The following PYHIN1 variants were observed in gnomAD, a reference collection of about 807,000 sequenced individuals.
PYHIN1 encodes the protein pyrin and HIN domain-containing protein 1.
Under a neutral mutation model 43.7 loss-of-function variants are expected in PYHIN1, and 32 were observed. The observed-to-expected ratio is 0.73, with a 90% CI of 0.55 to 0.98. The LOEUF is 0.98. Ranked by LOEUF, PYHIN1 falls within the 50% of genes least tolerant of loss-of-function variation. The pLI, the probability that PYHIN1 is intolerant of heterozygous loss-of-function variation, is 0.00. For missense variants in PYHIN1, 588 were observed against 589.5 expected (o/e 1.00, Z 0.03); for synonymous variants, 205 against 203.1 (o/e 1.01, Z -0.08).
chr1:158,934,328 T>G (rs1472053823), intron 1 of PYHIN1, among the ~76,000 whole-genome samples: 1 of 152,230 alleles, frequency 6.6e-6, no homozygotes, highest in African/African-American at 2.4e-5. Flanking sequence ...TAAATCGTGT[T>G]GTCATACTCA....
rs1012047513 is a variant in PYHIN1, at chr1:158,946,255, A to G, written c.1359+1213A>G. On this transcript the variant is annotated intron_variant, in intron 7 of 8. Coordinates refer to ENST00000368140, the MANE Select transcript of PYHIN1 (RefSeq NM_152501.5). ...TCTTCTCTATAACAGAGTGCTTTTT[A>G]TATATTACATAACTGAATTCTAGAA... Among the ~76,000 whole-genome samples the G allele has an allele frequency of 5.9e-5, 9 of 152,192 alleles. No homozygotes were observed. The East Asian group carries it at 1.5e-3, about 26-fold the overall frequency.
intron 7 of PYHIN1, among the ~76,000 whole-genome samples, chr1:158,948,245 G>A (rs141689699): frequency 6.6e-6 from 1 of 152,340 alleles, no homozygotes; most frequent in African/African-American, 2.4e-5. Context: ...CCCAGGAACA[G>A]GTGTCAAACC....
At chr1:158,990,377 T>A in the PYHIN1 span, among the ~76,000 whole-genome samples, 16 of 152,186 alleles carry the variant, frequency 1.1e-4, no homozygotes, top group Non-Finnish European at 1.9e-4. Flanking sequence ...TTATTTCTTT[T>A]TTTTTAATTT....
chr1:158,937,808 T>C (rs1648648239), intron 2 of PYHIN1, among the ~76,000 whole-genome samples: 1 of 152,070 alleles, frequency 6.6e-6, no homozygotes, highest in Admixed American at 6.5e-5. Context: ...TAGCCAGGCG[T>C]GGTGGCAGGC....
rs1045872494 is a variant in PYHIN1 at position 158,933,908 on chromosome 1, T to A, written c.-21+2132T>A. Among the ~76,000 whole-genome samples the A allele has an allele frequency of 1.2e-4, 19 of 152,258 alleles. No individual in the cohort carries two copies. Among genetic ancestry groups the A allele is most frequent in the African/African-American group, 2.2e-4 (9 of 41,574 alleles). On this transcript the variant is annotated intron_variant, in intron 1 of 8. Transcript: ENST00000368140. This position sits in a 1 kb window ranked among gnomAD's most constrained non-coding sequence, Gnocchi z 6.3. The stretch of plus-strand genomic sequence containing the variant: ...CCTGCAGCTTTTTAAAATTTTTTTT[T>A]AATTTTCTATTGAAAAGTACTTCCA...
chr1:158,946,414 C>A (rs749922992), intron 7 of PYHIN1, among the ~76,000 whole-genome samples: 10 of 152,150 alleles, frequency 6.6e-5, no homozygotes, highest in Non-Finnish European at 1.3e-4. Flanking sequence ...ACTGCAAATG[C>A]TCAAGTAGAT....
At chr1:158,947,858 T>C (rs781330828) in intron 7 of PYHIN1, among the ~76,000 whole-genome samples, 3 of 152,244 alleles carry the variant, frequency 2.0e-5, no homozygotes, top group Non-Finnish European at 4.4e-5. Context: ...ACCACAGAAG[T>C]AAACAAGCTA....
chr1:158,943,285 CT>C (rs1226906486), intron 5 of PYHIN1, among the ~76,000 whole-genome samples: 1 of 152,120 alleles, frequency 6.6e-6, no homozygotes, highest in Non-Finnish European at 1.5e-5. Context: ...AATGTTTGAG[CT>C]TAAGGACCTG....
At position 158,944,012 on chromosome 1, in the gene PYHIN1, A is replaced by G. The variant is rs762404626; in HGVS notation, c.1191+34A>G. On this transcript the variant is annotated intron_variant, in intron 6 of 8. Transcript: ENST00000368140. ...TAAAGAAACAAATATTAGTTTTCCA[A>G]AGATGAAAATCATTTGCTTTAAGTT... The G allele has an allele frequency of 8.5e-6, 13 of 1,525,760 alleles. No homozygotes were observed. In the South Asian group the frequency reaches 1.5e-4, roughly 18 times the overall value. 94.5% of individuals were successfully genotyped at this position (1,525,760 alleles called of 1,614,324 possible).
chr1:158,933,723 A>G lies in PYHIN1; in HGVS notation c.-21+1947A>G, dbSNP rs1648314792. Among the ~76,000 whole-genome samples, 1 of 151,746 alleles carries G rather than the reference A, an allele frequency of 6.6e-6. No individual in the cohort carries two copies. The highest frequency in any genetic ancestry group is 2.1e-4 in the South Asian group (1 of 4,808). Reference sequence around the variant, plus strand: ...TTTTTAAAACTTATATTTCCATCTCACCCTTTAAGACAATTACATTAGTAA... The same window carrying G: ...TTTTTAAAACTTATATTTCCATCTCGCCCTTTAAGACAATTACATTAGTAA... On this transcript the variant is annotated intron_variant, in intron 1 of 8. Transcript: ENST00000368140. The surrounding 1 kb of genome is among the most constrained non-coding windows in gnomAD (Gnocchi z 6.3).
chr1:158,989,649 G>C, the PYHIN1 span, among the ~76,000 whole-genome samples: 1 of 152,126 alleles, frequency 6.6e-6, no homozygotes, highest in Admixed American at 6.5e-5. Context: ...ACCACCAAAA[G>C]CTAGGGAAGA....
chr1:158,952,648 T>C (rs6674861), intron 7 of PYHIN1, among the ~76,000 whole-genome samples: 17,027 of 152,134 alleles, frequency 0.11, 1,106 homozygotes, highest in Non-Finnish European at 0.12. Context: ...CTGGTTGCAA[T>C]GAACCAGAGC....
rs772336717 is a variant in PYHIN1 at position 158,936,955 on chromosome 1, G to C, written c.45G>C (p.Glu15Asp). ...YKKIVLLKGL[E>D]VINDYHFRIV... ...AAATTGTTCTACTGAAAGGATTAGA[G>C]GTCATCAATGATTATCATTTTAGAA... The change falls in exon 2 of 9, where the codon GAG becomes GAC. Residue 15 changes from glutamate (E) to aspartate (D), a missense_variant. Physicochemically the swap from Glu to Asp is conservative, Grantham distance 45. Coordinates refer to ENST00000368140, the MANE Select transcript of PYHIN1 (RefSeq NM_152501.5). The C allele has an allele frequency of 1.9e-6, 3 of 1,610,726 alleles. No homozygotes were observed. The Admixed American group carries it at 5.0e-5, about 27-fold the overall frequency.
intron 4 of PYHIN1, chr1:158,940,129 G>A (rs1056335218): frequency 6.6e-6 from 1 of 152,354 alleles, no homozygotes; most frequent in East Asian, 1.9e-4. Context: ...AGGAGGCTGA[G>A]GCAGGGGAAT....
In PYHIN1 at chr1:158,939,229, C is replaced by T. The variant is rs1244777499; in HGVS notation, c.561C>T (p.Pro187=). Residue 187 remains proline (P), a synonymous_variant, in exon 4 of 9, where the codon CCC becomes CCT. Transcript: ENST00000368140. ...CCCAGACCTCATCATCAGCTCCACC[C>T]AACACTTCCTCAACTGAGGTACACT... ...PPPQTSSSAP[P]NTSSTESLKP... is the part of the protein sequence containing the mutation. 2 of 1,603,054 alleles carry T rather than the reference C, an allele frequency of 1.2e-6. No homozygotes were observed. The highest frequency in any genetic ancestry group is 3.5e-5 in the Admixed American group (2 of 57,676).
chr1:158,934,259 G>A (rs967864772), intron 1 of PYHIN1, among the ~76,000 whole-genome samples: 1 of 152,104 alleles, frequency 6.6e-6, no homozygotes, highest in Non-Finnish European at 1.5e-5. Flanking sequence ...TGTTTAAGTG[G>A]AATAAATAAA....
chr1:158,936,880 T>C lies in PYHIN1; in HGVS notation c.-20-11T>C. The C allele has an allele frequency of 6.5e-7, 1 of 1,528,106 alleles. No individual in the cohort carries two copies. Among genetic ancestry groups the C allele is most frequent in the Non-Finnish European group, 8.8e-7 (1 of 1,139,596 alleles). 94.7% of individuals were successfully genotyped at this position (1,528,106 alleles called of 1,614,324 possible). A position where few individuals can be genotyped will look rare whatever the true frequency, so the allele number is the denominator to read the frequency against. ...ACATGTGTAACACTATATACCATTT[T>C]TCTCTTGCAGGCTCACTTATATCTT... On this transcript the variant is annotated splice_polypyrimidine_tract_variant and intron_variant, in intron 1 of 8. Transcript: ENST00000368140.
chr1:158,938,069 A>G (rs566307542), intron 2 of PYHIN1, among the ~76,000 whole-genome samples: 10 of 152,378 alleles, frequency 6.6e-5, no homozygotes, highest in Middle Eastern at 6.8e-3. Context: ...CTAAGCAGTC[A>G]GCATCATGAG....
chr1:158,979,370 GAT>G (rs1651406732), downstream of PYHIN1, among the ~76,000 whole-genome samples: 1 of 152,048 alleles, frequency 6.6e-6, no homozygotes, highest in Admixed American at 6.6e-5. Context: ...GGCTATTATA[GAT>G]ACTCTACATA....
Sources: gnomAD v4.1 joint callset for allele counts (sites outside exome capture counted in the v4.1 genomes callset) on GRCh38, gnomAD v4.1.1 for gene constraint, Gnocchi (gnomAD v3.1) non-coding constraint, MANE v1.5 for transcripts, NCBI Gene and HGNC (gene_info 2026-07-23, HGNC 2026-07-21) for gene names.